Variants in FBXL7 observed in about 807,000 individuals in gnomAD.
The protein encoded by FBXL7 is F-box/LRR-repeat protein 7.
A neutral mutation model predicts 38.3 loss-of-function variants in FBXL7; 12 were observed. The ratio of observed to expected loss-of-function variants is 0.31; its 90% confidence interval spans 0.20 to 0.51. FBXL7 has a LOEUF of 0.51. Among genes scored for constraint, FBXL7 ranks in the 20% least tolerant of loss-of-function variants. The probability of loss-of-function intolerance (pLI) is 0.98; values close to 1 mark genes in which losing one functional copy is unlikely to be tolerated. For synonymous variants in FBXL7, 297 were observed against 300.9 expected (o/e 0.99, Z 0.13); for missense variants, 567 against 676.4 (o/e 0.84, Z 1.79).
chr5:15,905,808 A>T (rs937754349), intron 2 of FBXL7, among the ~76,000 whole-genome samples: 10 of 152,078 alleles, frequency 6.6e-5, no homozygotes, highest in Non-Finnish European at 1.2e-4. Context: ...AGAAGGCAGG[A>T]ATGGAGAGGA....
At chr5:15,552,405 G>T (rs926276177) in intron 1 of FBXL7, among the ~76,000 whole-genome samples, 1 of 152,144 alleles carries the variant, frequency 6.6e-6, no homozygotes, top group Non-Finnish European at 1.5e-5. Flanking sequence ...CTGTTCTCAT[G>T]TCTTTCAGGA....
intron 2 of FBXL7, among the ~76,000 whole-genome samples, chr5:15,922,634 G>A (rs1291207778): frequency 5.3e-5 from 8 of 152,140 alleles, no homozygotes; most frequent in Non-Finnish European, 7.4e-5. Context: ...TTTTGACCAT[G>A]TATATTTCAC....
chr5:15,553,515 G>C lies in FBXL7; in HGVS notation c.37+52802G>C, dbSNP rs1316695264. Among the ~76,000 whole-genome samples, 4 of 152,248 alleles carry C rather than the reference G, an allele frequency of 2.6e-5. No individual in the cohort carries two copies. In the East Asian group the frequency reaches 5.8e-4, roughly 22 times the overall value. ...TCGACCAGAAGCTCCATGAAGGTAG[G>C]GATACTATCGGGAATTTCTAACCAG... On this transcript the variant is annotated intron_variant, in intron 1 of 3. Transcript: ENST00000504595.
intron 1 of FBXL7, among the ~76,000 whole-genome samples, chr5:15,574,341 T>A (rs1738889455): frequency 6.6e-6 from 1 of 152,204 alleles, no homozygotes; most frequent in Non-Finnish European, 1.5e-5. Flanking sequence ...ATTTACCAGG[T>A]TCTATAAAAT....
At chr5:15,857,763 G>A (rs1252050781) in intron 2 of FBXL7, among the ~76,000 whole-genome samples, 1 of 152,164 alleles carries the variant, frequency 6.6e-6, no homozygotes, top group African/African-American at 2.4e-5. Flanking sequence ...GCTTAATTAT[G>A]CAGAAATAGA....
chr5:15,847,264 C>T (rs542987331), intron 2 of FBXL7, among the ~76,000 whole-genome samples: 7 of 152,174 alleles, frequency 4.6e-5, no homozygotes, highest in Non-Finnish European at 7.3e-5. Context: ...AACTTACAGT[C>T]ATGGTGGAAG....
chr5:15,567,775 T>C lies in FBXL7; in HGVS notation c.38-48208T>C, dbSNP rs559048792. Among the ~76,000 whole-genome samples, 364 of 151,210 alleles carry C rather than the reference T, an allele frequency of 2.4e-3. 4 individuals are homozygous for C. The highest frequency in any genetic ancestry group is 8.4e-3 in the African/African-American group (348 of 41,200). On this transcript the variant is annotated intron_variant, in intron 1 of 3. Transcript: ENST00000504595. ...CCCCACCCCACAACAGGCCCTGGTGTGTGATGTTCCCCTTCCTGTGTCCAT... is the reference window on the plus strand; with the variant it reads ...CCCCACCCCACAACAGGCCCTGGTGCGTGATGTTCCCCTTCCTGTGTCCAT...
intron 1 of FBXL7, among the ~76,000 whole-genome samples, chr5:15,595,494 A>G (rs1458188625): frequency 6.6e-6 from 1 of 152,200 alleles, no homozygotes; most frequent in East Asian, 1.9e-4. Flanking sequence ...AGAATAAATT[A>G]TTTAGATTGC....
intron 2 of FBXL7, among the ~76,000 whole-genome samples, chr5:15,899,068 T>C (rs1290052605): frequency 6.6e-6 from 1 of 152,126 alleles, no homozygotes; most frequent in African/African-American, 2.4e-5. Context: ...TTACAAAATA[T>C]ATATATATAT....
intron 2 of FBXL7, among the ~76,000 whole-genome samples, chr5:15,901,020 T>A (rs113691945): frequency 0.012 from 1,861 of 152,164 alleles, 38 homozygotes; most frequent in African/African-American, 0.043. Flanking sequence ...TGTGGAAAAA[T>A]TAGAAAAATC....
intron 2 of FBXL7, among the ~76,000 whole-genome samples, chr5:15,850,097 A>G (rs1739047590): frequency 6.6e-6 from 1 of 152,206 alleles, no homozygotes; most frequent in South Asian, 2.1e-4. Flanking sequence ...AGATATCCAC[A>G]CACTGTAACT....
intron 1 of FBXL7, among the ~76,000 whole-genome samples, chr5:15,543,694 C>A (rs1737821150): frequency 1.3e-5 from 2 of 152,118 alleles, no homozygotes; most frequent in Non-Finnish European, 2.9e-5. Flanking sequence ...GTCGCATGTG[C>A]TAAACACTAA....
chr5:15,815,572 C>G (rs950683444), intron 2 of FBXL7, among the ~76,000 whole-genome samples: 1 of 152,102 alleles, frequency 6.6e-6, no homozygotes, highest in Non-Finnish European at 1.5e-5. Context: ...TAGATTATTT[C>G]TGGAACATTA....
At chr5:15,926,933 C>G (rs1284472759) in intron 2 of FBXL7, among the ~76,000 whole-genome samples, 2 of 151,874 alleles carry the variant, frequency 1.3e-5, no homozygotes, top group Admixed American at 1.3e-4. Context: ...CTGAAACTCA[C>G]TCCCCTCATT....
chr5:15,865,580 C>G (rs1739671867), intron 2 of FBXL7, among the ~76,000 whole-genome samples: 1 of 152,078 alleles, frequency 6.6e-6, no homozygotes, highest in South Asian at 2.1e-4. Flanking sequence ...ACTCTTAGCA[C>G]CCTCTCTCCT....
intron 2 of FBXL7, among the ~76,000 whole-genome samples, chr5:15,787,751 G>A (rs1737168068): frequency 6.6e-6 from 1 of 152,104 alleles, no homozygotes; most frequent in African/African-American, 2.4e-5. Flanking sequence ...ATAATTTCAG[G>A]GATGTTCTGA....
rs58722087 is a variant in FBXL7, at chr5:15,843,761, G to T, written c.128-84129G>T. On this transcript the variant is annotated intron_variant, in intron 2 of 3. Transcript: ENST00000504595. ...TAAAGCTAATTTAAAACCCAAGAAG[G>T]TGTCAGATGAATAATCTTTAATGAA... 3.0e-3 allele frequency among the ~76,000 whole-genome samples: 457 copies of T among 151,882 alleles called. 3 individuals are homozygous for T. Among genetic ancestry groups the T allele is most frequent in the Middle Eastern group, 0.01 (3 of 292 alleles).
At chr5:15,917,057 C>A (rs1467069254) in intron 2 of FBXL7, among the ~76,000 whole-genome samples, 1 of 152,112 alleles carries the variant, frequency 6.6e-6, no homozygotes, top group East Asian at 1.9e-4. Context: ...ATCTGTGGCT[C>A]ATGGAGTTTC....
intron 2 of FBXL7, among the ~76,000 whole-genome samples, chr5:15,802,734 A>T (rs1416890790): frequency 1.3e-5 from 2 of 150,660 alleles, no homozygotes. Flanking sequence ...GCTCACTGCA[A>T]CCTCCGCCTC....
Sources: gnomAD v4.1 joint callset for allele counts (sites outside exome capture counted in the v4.1 genomes callset) on GRCh38, gnomAD v4.1.1 for gene constraint, MANE v1.5 for transcripts, NCBI Gene and HGNC (gene_info 2026-07-23, HGNC 2026-07-21) for gene names.